CLDN11: variants seen among roughly 807,000 people sequenced by gnomAD.
The protein encoded by CLDN11 is claudin 11.
Under a neutral mutation model 18.0 loss-of-function variants are expected in CLDN11, and 1 was observed. That is an observed-to-expected ratio of 0.06 (90% CI 0.02 to 0.26). The LOEUF (loss-of-function observed/expected upper bound fraction) is 0.26, where lower values mean the gene tolerates loss of function less well. Among genes scored for constraint, CLDN11 ranks in the 10% least tolerant of loss-of-function variants. CLDN11 has a pLI of 1.00. For missense variants in CLDN11, 172 were observed against 276.6 expected (o/e 0.62, Z 2.68); for synonymous variants, 116 against 121.5 (o/e 0.96, Z 0.30).
At chr3:170,431,081 C>T (rs1253087452) in intron 2 of CLDN11, among the ~76,000 whole-genome samples, 5 of 152,012 alleles carry the variant, frequency 3.3e-5, no homozygotes, top group East Asian at 1.9e-4. Context: ...AACACAAATG[C>T]GATGAGATTG....
intron 2 of CLDN11, among the ~76,000 whole-genome samples, chr3:170,424,818 A>C (rs1199440127): frequency 1.3e-5 from 2 of 152,188 alleles, no homozygotes; most frequent in Admixed American, 6.5e-5. Flanking sequence ...CCTCACACTC[A>C]TAATGACACC....
intron 1 of CLDN11, among the ~76,000 whole-genome samples, chr3:170,421,003 G>T (rs1347057985): frequency 1.3e-5 from 2 of 152,188 alleles, no homozygotes; most frequent in Non-Finnish European, 2.9e-5. Flanking sequence ...TTTATTAAAA[G>T]CTGGGCATGG....
chr3:170,420,085 C>T lies in CLDN11; in HGVS notation c.226+793C>T, dbSNP rs985318336. Among the ~76,000 whole-genome samples the T allele has an allele frequency of 2.6e-5, 4 of 152,224 alleles. 1 individual carries two copies. Among genetic ancestry groups the T allele is most frequent in the Admixed American group, 2.6e-4 (4 of 15,284 alleles). ...GCGCGCCGCCGAGGGTCGCTCGCCG[C>T]CACCCCTCCAGCGTGTCTCAGATTG... On this transcript the variant is annotated intron_variant, in intron 1 of 2. Transcript: ENST00000064724.
At chr3:170,431,705 T>G in intron 2 of CLDN11, among the ~76,000 whole-genome samples, 1 of 152,248 alleles carries the variant, frequency 6.6e-6, no homozygotes, top group East Asian at 1.9e-4. Flanking sequence ...TTTCTTATTT[T>G]ACTCTATAAA....
At chr3:170,432,227 A>G (rs1460222861) in intron 2 of CLDN11, among the ~76,000 whole-genome samples, 2 of 152,266 alleles carry the variant, frequency 1.3e-5, no homozygotes, top group African/African-American at 4.8e-5. Context: ...AAGTGTTGAT[A>G]TACAAGTAAA....
chr3:170,419,342 G>A lies in CLDN11; in HGVS notation c.226+50G>A, dbSNP rs530895125. The A allele has an allele frequency of 1.9e-5, 26 of 1,386,890 alleles. No homozygotes were observed. The African/African-American group carries it at 3.7e-4, about 20-fold the overall frequency. The allele number at this position is 1,386,890 out of a possible 1,614,324, so 85.9% of individuals were successfully genotyped here. A position where few individuals can be genotyped will look rare whatever the true frequency, so the allele number is the denominator to read the frequency against. On this transcript the variant is annotated intron_variant, in intron 1 of 2. Transcript: ENST00000064724. This position sits in a 1 kb window ranked among gnomAD's most constrained non-coding sequence, Gnocchi z 8.6. Reference sequence around the variant, plus strand: ...CTCCCAAATCCTTATCCTCTGGGTAGAGAGCGGGATATTAGACGGCGTCAC... The same window carrying A: ...CTCCCAAATCCTTATCCTCTGGGTAAAGAGCGGGATATTAGACGGCGTCAC...
At chr3:170,420,429 C>T (rs1044957263) in intron 1 of CLDN11, among the ~76,000 whole-genome samples, 9 of 152,220 alleles carry the variant, frequency 5.9e-5, no homozygotes, top group Non-Finnish European at 1.2e-4. Flanking sequence ...CCCCTTAAGC[C>T]TCCTCCAAGC....
In CLDN11 at chr3:170,432,844, C is replaced by G; in HGVS notation, c.*88C>G. 8.0e-7 allele frequency: 1 copy of G among 1,257,720 alleles called. No homozygotes were observed. The highest frequency in any genetic ancestry group is 1.2e-6 in the Non-Finnish European group (1 of 869,098). The allele number at this position is 1,257,720 out of a possible 1,614,324, so 77.9% of individuals were successfully genotyped here. ...CGTCACAGTGTGGGGAAGCCCATTC[C>G]TCTGCCAGGCTCTAAAGCCAAAGGT... On this transcript the variant is annotated 3_prime_UTR_variant, in exon 3 of 3. Coordinates refer to ENST00000064724, the MANE Select transcript of CLDN11 (RefSeq NM_005602.6).
In CLDN11 at chr3:170,419,902, G is replaced by GC. The variant is rs896817445; in HGVS notation, c.226+613dup. ...AAATGTCACGTTGATTCCCGCACGT[G>GC]CCCAGGGCCATCTCCGCTGCCCCCG... On this transcript the variant is annotated intron_variant, in intron 1 of 2. Transcript: ENST00000064724. This position sits in a 1 kb window ranked among gnomAD's most constrained non-coding sequence, Gnocchi z 8.6. Among the ~76,000 whole-genome samples, 2 of 152,258 alleles carry GC rather than the reference G, an allele frequency of 1.3e-5. No individual in the cohort carries two copies. Among genetic ancestry groups the GC allele is most frequent in the African/African-American group, 4.8e-5 (2 of 41,482 alleles).
intron 2 of CLDN11, among the ~76,000 whole-genome samples, chr3:170,427,622 A>AAAAAAAC (rs1283185919): frequency 1.3e-5 from 2 of 151,810 alleles, no homozygotes; most frequent in Non-Finnish European, 2.9e-5. Flanking sequence ...AATCCATCTC[A>AAAAAAAC]AAAAAACAAA....
chr3:170,428,185 AG>A (rs914773563), intron 2 of CLDN11, among the ~76,000 whole-genome samples: 15 of 150,912 alleles, frequency 9.9e-5, no homozygotes, highest in African/African-American at 3.6e-4. Flanking sequence ...AAGAAATGTC[AG>A]TGTCTACTGA....
rs113271813 is a variant in CLDN11 at position 170,429,980 on chromosome 3, G to A, written c.392-2544G>A. Among the ~76,000 whole-genome samples the A allele has an allele frequency of 2.7e-3, 413 of 152,318 alleles. 1 individual carries two copies. The highest frequency in any genetic ancestry group is 4.4e-3 in the Non-Finnish European group (296 of 68,030). Reference sequence around the variant, plus strand: ...AGATTGAACCATATCAGTTGTTTGGGAATTAGAACTTTTTTCTCTACAGAA... The same window carrying A: ...AGATTGAACCATATCAGTTGTTTGGAAATTAGAACTTTTTTCTCTACAGAA... On this transcript the variant is annotated intron_variant, in intron 2 of 2. Transcript: ENST00000064724.
chr3:170,420,174 G>A (rs1738690832), intron 1 of CLDN11, among the ~76,000 whole-genome samples: 1 of 152,252 alleles, frequency 6.6e-6, no homozygotes, highest in African/African-American at 2.4e-5. Flanking sequence ...CATGTGTCCT[G>A]TGGAAACATT....
At chr3:170,430,990 A>G (rs903843880) in intron 2 of CLDN11, among the ~76,000 whole-genome samples, 3 of 152,242 alleles carry the variant, frequency 2.0e-5, no homozygotes, top group Non-Finnish European at 4.4e-5. Context: ...AAGGATAGAA[A>G]TCATATCTTC....
intron 2 of CLDN11, chr3:170,423,703 C>A: frequency 5.2e-6 from 1 of 191,368 alleles, no homozygotes; most frequent in Admixed American, 5.2e-5. Context: ...GGCATCAGGC[C>A]AGGCAAAGAT....
rs1738654578 is a variant in CLDN11 at position 170,419,018 on chromosome 3, C to CCAGGCA, written c.-45_-40dup. ...TGGGCAGGCACTGTCCAGCCCAGGC[C>CCAGGCA]CAGGCACAGCCGTGAGGGGCGAGGC... On this transcript the variant is annotated 5_prime_UTR_variant, in exon 1 of 3. Coordinates refer to ENST00000064724, the MANE Select transcript of CLDN11 (RefSeq NM_005602.6). This position sits in a 1 kb window ranked among gnomAD's most constrained non-coding sequence, Gnocchi z 8.6. 1 of 1,412,472 alleles carries CCAGGCA rather than the reference C, an allele frequency of 7.1e-7. No individual in the cohort carries two copies. The allele number at this position is 1,412,472 out of a possible 1,614,324, so 87.5% of individuals were successfully genotyped here. A position where few individuals can be genotyped will look rare whatever the true frequency, so the allele number is the denominator to read the frequency against.
chr3:170,432,438 G>C, intron 2 of CLDN11, 86 bp from the exon 3 acceptor site: 1 of 1,582,822 alleles, frequency 6.3e-7, no homozygotes, highest in Non-Finnish European at 8.6e-7. Context: ...GAAGCCACAA[G>C]TGTGTGTATG....
At chr3:170,428,138 A>T (rs1738906542) in intron 2 of CLDN11, among the ~76,000 whole-genome samples, 1 of 128,688 alleles carries the variant, frequency 7.8e-6, no homozygotes, top group East Asian at 2.9e-4. Context: ...CAGATATCCT[A>T]TCAAAAAAAA....
chr3:170,429,068 G>T (rs1024425762), intron 2 of CLDN11, among the ~76,000 whole-genome samples: 3 of 152,202 alleles, frequency 2.0e-5, no homozygotes, highest in Non-Finnish European at 4.4e-5. Flanking sequence ...GTTAAGTAAT[G>T]ATTTGTCTTG....
Sources: gnomAD v4.1 joint callset for allele counts (sites outside exome capture counted in the v4.1 genomes callset) on GRCh38, gnomAD v4.1.1 for gene constraint, Gnocchi (gnomAD v3.1) non-coding constraint, MANE v1.5 for transcripts, NCBI Gene and HGNC (gene_info 2026-07-23, HGNC 2026-07-21) for gene names.